Variants in IPMK observed in about 807,000 individuals in gnomAD.
IPMK encodes inositol polyphosphate multikinase, also known as inositol 1,3,4,6-tetrakisphosphate 5-kinase.
In IPMK, 17 loss-of-function variants were observed where a neutral mutation model predicts 45.8. The observed-to-expected ratio is 0.37, with a 90% CI of 0.25 to 0.56. The LOEUF (loss-of-function observed/expected upper bound fraction) is 0.56. Ranked by LOEUF, IPMK falls within the 20% of genes least tolerant of loss-of-function variation. The pLI, the probability that IPMK is intolerant of heterozygous loss-of-function variation, is 0.79. For synonymous variants in IPMK, 180 were observed against 184.3 expected (o/e 0.98, Z 0.19); for missense variants, 399 against 498.0 (o/e 0.80, Z 1.89).
chr10:58,254,570 T>C (rs1838936328), intron 1 of IPMK, among the ~76,000 whole-genome samples: 1 of 152,250 alleles, frequency 6.6e-6, no homozygotes, highest in South Asian at 2.1e-4. Flanking sequence ...GGAGTTGAAC[T>C]GGTTTCTTTT....
At chr10:58,257,720 A>C (rs540193401) in intron 1 of IPMK, among the ~76,000 whole-genome samples, 1 of 152,280 alleles carries the variant, frequency 6.6e-6, no homozygotes, top group Non-Finnish European at 1.5e-5. Context: ...AAGTGAAAGA[A>C]TGGAAAAGAT....
Position 58,196,493 on chromosome 10 carries a change from CA to C in IPMK, c.833del (p.Leu278CysfsTer12). The C allele has an allele frequency of 6.2e-7, 1 of 1,614,014 alleles. No homozygotes were observed. The highest frequency in any genetic ancestry group is 8.5e-7 in the Non-Finnish European group (1 of 1,179,974). On this transcript the variant is annotated frameshift_variant, in exon 6 of 6. Transcript: ENST00000373935. LOFTEE classifies it high-confidence loss of function. ...CTGTGTCTGACAGTTGTCCTTTGGA[CA>C]AAAACTTTTCTGCCAAAGTTCTGTC... ...LNDRTLAEKF[L>X]SKGQLSDTEV...
intron 4 of IPMK, among the ~76,000 whole-genome samples, chr10:58,207,817 G>A (rs1253535745): frequency 1.3e-5 from 2 of 152,136 alleles, no homozygotes; most frequent in East Asian, 1.9e-4. Context: ...CTCTAGCAAG[G>A]CCAGAGAAGT....
intron 3 of IPMK, among the ~76,000 whole-genome samples, chr10:58,217,480 A>C (rs1374166143): frequency 6.6e-6 from 1 of 151,356 alleles, no homozygotes; most frequent in Non-Finnish European, 1.5e-5. Context: ...CCTGAGGGCG[A>C]GAGTTTGAGA....
At chr10:58,256,974 A>G (rs1484191435) in intron 1 of IPMK, among the ~76,000 whole-genome samples, 1 of 152,132 alleles carries the variant, frequency 6.6e-6, no homozygotes, top group African/African-American at 2.4e-5. Flanking sequence ...CTGAGATGGG[A>G]GGATCACTTG....
At position 58,267,536 on chromosome 10, in the gene IPMK, C is replaced by G; in HGVS notation, c.76G>C (p.Glu26Gln). Residue 26 changes from glutamate (E) to glutamine (Q), a missense_variant, in exon 1 of 6, where the codon GAG becomes CAG. By Grantham distance (29) the Glu-to-Gln change is conservative. Coordinates refer to ENST00000373935, the MANE Select transcript of IPMK (RefSeq NM_152230.5). The part of the protein sequence containing the change: ...PPEMRTSPAI[E>Q]STPEGTPQPA... ...TGCGGGGTGCCCTCAGGGGTGGACT[C>G]GATCGCCGGTGAGGTCCGCATTTCT... The G allele has an allele frequency of 6.2e-7, 1 of 1,612,376 alleles. No individual in the cohort carries two copies. The highest frequency in any genetic ancestry group is 1.1e-5 in the South Asian group (1 of 90,934).
At chr10:58,256,893 T>C (rs1048798957) in intron 1 of IPMK, among the ~76,000 whole-genome samples, 12 of 152,040 alleles carry the variant, frequency 7.9e-5, no homozygotes, top group Non-Finnish European at 1.5e-4. Context: ...TGAGATCCCA[T>C]CTCTACAAAA....
intron 1 of IPMK, 40 bp downstream of exon 1, chr10:58,267,382 G>A (rs1167289245): frequency 1.9e-6 from 3 of 1,603,044 alleles, no homozygotes; most frequent in East Asian, 2.2e-5. Context: ...GCTCGCACAG[G>A]CGGAAGGGGA....
chr10:58,253,333 A>C (rs1838912915), intron 1 of IPMK, among the ~76,000 whole-genome samples: 1 of 152,194 alleles, frequency 6.6e-6, no homozygotes, highest in Non-Finnish European at 1.5e-5. Flanking sequence ...CAGCATGAGA[A>C]CAGACTAATA....
intron 4 of IPMK, among the ~76,000 whole-genome samples, chr10:58,212,273 A>G (rs1314625416): frequency 6.6e-6 from 1 of 152,218 alleles, no homozygotes. Context: ...CAGGAACGTT[A>G]CAAGATGGAT....
intron 4 of IPMK, among the ~76,000 whole-genome samples, chr10:58,207,670 T>A (rs1185486184): frequency 6.6e-6 from 1 of 152,156 alleles, no homozygotes; most frequent in Non-Finnish European, 1.5e-5. Flanking sequence ...TGTTATCTCA[T>A]TTCTTAGGTC....
At chr10:58,266,393 A>C (rs1564543554) in intron 1 of IPMK, among the ~76,000 whole-genome samples, 1 of 152,370 alleles carries the variant, frequency 6.6e-6, no homozygotes, top group East Asian at 1.9e-4. Flanking sequence ...TACATGGTGA[A>C]AAAATACAGT....
intron 4 of IPMK, among the ~76,000 whole-genome samples, chr10:58,204,410 G>A (rs569629713): frequency 6.6e-6 from 1 of 152,196 alleles, no homozygotes; most frequent in Admixed American, 6.5e-5. Flanking sequence ...TGCTCATTTT[G>A]CGACTTCTTT....
chr10:58,251,305 A>G lies in IPMK; in HGVS notation c.191-13491T>C, dbSNP rs573539506. Reference sequence around the variant, plus strand: ...TCCATAAATTTGTACCATTTCCATCATTCCTTCTATATCGTTTCTGGGTTT... The same window carrying G: ...TCCATAAATTTGTACCATTTCCATCGTTCCTTCTATATCGTTTCTGGGTTT... On this transcript the variant is annotated intron_variant, in intron 1 of 5. Coordinates refer to ENST00000373935, the MANE Select transcript of IPMK (RefSeq NM_152230.5). Among the ~76,000 whole-genome samples, 5 of 151,906 alleles carry G rather than the reference A, an allele frequency of 3.3e-5. No homozygotes were observed. The South Asian group carries it at 1.0e-3, about 32-fold the overall frequency.
At chr10:58,243,832 G>A (rs965287307) in intron 1 of IPMK, among the ~76,000 whole-genome samples, 11 of 151,922 alleles carry the variant, frequency 7.2e-5, no homozygotes, top group Admixed American at 2.6e-4. Flanking sequence ...GCCGCCCATC[G>A]TCTGGGATGT....
intron 4 of IPMK, among the ~76,000 whole-genome samples, chr10:58,204,414 C>T (rs1838043752): frequency 6.6e-6 from 1 of 152,086 alleles, no homozygotes; most frequent in Non-Finnish European, 1.5e-5. Context: ...CATTTTGCGA[C>T]TTCTTTGCAG....
At chr10:58,244,635 G>A (rs1407128946) in intron 1 of IPMK, among the ~76,000 whole-genome samples, 1 of 151,926 alleles carries the variant, frequency 6.6e-6, no homozygotes, top group Non-Finnish European at 1.5e-5. Context: ...AGAGAGATCA[G>A]ATTGTTACTG....
At position 58,191,972 on chromosome 10, in the gene IPMK, C is replaced by T. The variant is rs192440625; in HGVS notation, c.*4104G>A. 9.9e-5 allele frequency: 15 copies of T among 152,014 alleles called. No individual in the cohort carries two copies. In the East Asian group the frequency reaches 1.5e-3, roughly 16 times the overall value. 9.4% of individuals were successfully genotyped at this position (152,014 alleles called of 1,614,324 possible). A position where few individuals can be genotyped will look rare whatever the true frequency, so the allele number is the denominator to read the frequency against. ...AACTGTTAAATTATATTTAAGTGGA[C>T]AGTAGGTAAAAAATTTAAACTTTGA... On this transcript the variant is annotated 3_prime_UTR_variant, in exon 6 of 6. Transcript: ENST00000373935.
chr10:58,241,128 T>C (rs1344325069), intron 1 of IPMK, among the ~76,000 whole-genome samples: 1 of 152,122 alleles, frequency 6.6e-6, no homozygotes, highest in Non-Finnish European at 1.5e-5. Flanking sequence ...AGAGGTCTCC[T>C]ACTGCTGGGG....
Sources: gnomAD v4.1 joint callset for allele counts (sites outside exome capture counted in the v4.1 genomes callset) on GRCh38, gnomAD v4.1.1 for gene constraint, MANE v1.5 for transcripts, NCBI Gene and HGNC (gene_info 2026-07-23, HGNC 2026-07-21) for gene names.